ADORA3: variants seen among roughly 807,000 people sequenced by gnomAD.
ADORA3 encodes the protein adenosine A3 receptor.
ADORA3 carries 3 observed loss-of-function variants against 5.7 expected under a neutral mutation model. The ratio of observed to expected loss-of-function variants is 0.52; its 90% CI spans 0.24 to 1.35. The LOEUF (loss-of-function observed/expected upper bound fraction) is 1.35. ADORA3 is among the 40% of genes most tolerant of loss of function. The probability of loss-of-function intolerance (pLI) is 0.17; values close to 1 mark genes in which losing one functional copy is unlikely to be tolerated. For synonymous variants in ADORA3, 168 were observed against 152.3 expected (o/e 1.10, Z -0.76); for missense variants, 343 against 389.0 (o/e 0.88, Z 0.99).
In ADORA3 at chr1:111,499,935, A is replaced by T; in HGVS notation, c.*15T>A. 3.7e-6 allele frequency: 6 copies of T among 1,611,312 alleles called. No homozygotes were observed. Among genetic ancestry groups the T allele is most frequent in the Non-Finnish European group, 5.1e-6 (6 of 1,178,118 alleles). On this transcript the variant is annotated 3_prime_UTR_variant, in exon 2 of 2. Transcript: ENST00000241356. The stretch of plus-strand genomic sequence containing the variant: ...ATCTGAAGGTCAATGAGACAGAGTC[A>T]TCTCTGATGGATAACTACTCAGAAT...
rs921755092 is a variant in ADORA3 at position 111,500,613 on chromosome 1, A to T, written c.351-57T>A. The T allele has an allele frequency of 1.1e-5, 17 of 1,528,210 alleles. No homozygotes were observed. The Middle Eastern group carries it at 1.8e-3, about 166-fold the overall frequency. The allele number at this position is 1,528,210 out of a possible 1,614,324, so 94.7% of individuals were successfully genotyped here. A position where few individuals can be genotyped will look rare whatever the true frequency, so the allele number is the denominator to read the frequency against. ...AGCAGTAATTGCTAAAGGGTAGGGG[A>T]GATGGAGCTGGTAAAGGAGAGAGAG... On this transcript the variant is annotated intron_variant, in intron 1 of 1. Transcript: ENST00000241356.
chr1:111,501,443 T>C (rs901566603), intron 1 of ADORA3: 3 of 152,198 alleles, frequency 2.0e-5, no homozygotes, highest in African/African-American at 7.2e-5. Flanking sequence ...AAACAGGAGA[T>C]ATTTTATTAT....
At position 111,503,628 on chromosome 1, in the gene ADORA3, T is replaced by C. The variant is rs921529225; in HGVS notation, c.-274A>G. ...CAGAATGCTGTAGGACAGCTCTATA[T>C]GGACTGAATCTGAAAGTGCTGCTGC... On this transcript the variant is annotated 5_prime_UTR_variant, in exon 1 of 2. Coordinates refer to ENST00000241356, the MANE Select transcript of ADORA3 (RefSeq NM_000677.4). The C allele has an allele frequency of 2.5e-6, 3 of 1,217,050 alleles. No homozygotes were observed. Among genetic ancestry groups the C allele is most frequent in the Admixed American group, 3.8e-5 (1 of 26,642 alleles). The allele number at this position is 1,217,050 out of a possible 1,614,324, so 75.4% of individuals were successfully genotyped here.
At position 111,503,567 on chromosome 1, in the gene ADORA3, T is replaced by G; in HGVS notation, c.-213A>C. 7.2e-7 allele frequency: 1 copy of G among 1,389,738 alleles called. No individual in the cohort carries two copies. 86.1% of individuals were successfully genotyped at this position (1,389,738 alleles called of 1,614,324 possible). A position where few individuals can be genotyped will look rare whatever the true frequency, so the allele number is the denominator to read the frequency against. On this transcript the variant is annotated 5_prime_UTR_variant, in exon 1 of 2. Transcript: ENST00000241356. Reference sequence around the variant, plus strand: ...AAGGGCTCATCACAGGTGGGTCACTTCCAGCCCCTTTATGCACCGCACATC... The same window carrying G: ...AAGGGCTCATCACAGGTGGGTCACTGCCAGCCCCTTTATGCACCGCACATC...
chr1:111,503,514 T>C lies in ADORA3; in HGVS notation c.-160A>G. ...TCATTCCTACCCTTTTCTGGTGGGG[T>C]GATCTCTTGGAAACCCTTCTCCTTA... On this transcript the variant is annotated 5_prime_UTR_variant, in exon 1 of 2. Transcript: ENST00000241356. 1 of 1,433,804 alleles carries C rather than the reference T, an allele frequency of 7.0e-7. No individual in the cohort carries two copies. The highest frequency in any genetic ancestry group is 9.1e-7 in the Non-Finnish European group (1 of 1,095,832). 88.8% of individuals were successfully genotyped at this position (1,433,804 alleles called of 1,614,324 possible). A position where few individuals can be genotyped will look rare whatever the true frequency, so the allele number is the denominator to read the frequency against.
chr1:111,500,658 T>G, intron 1 of ADORA3, 102 bp from the exon 2 acceptor site: 2 of 1,119,806 alleles, frequency 1.8e-6, no homozygotes, highest in Non-Finnish European at 2.6e-6. Context: ...ATAAGGCATA[T>G]ACTCTCTTAA....
chr1:111,503,147 T>C lies in ADORA3; in HGVS notation c.208A>G (p.Ile70Val), dbSNP rs1655337842. The change falls in exon 1 of 2, where the codon ATT (isoleucine) becomes GTT (valine). Residue 70 changes from isoleucine (I) to valine (V), a missense_variant. Ile to Val is a conservative substitution (Grantham distance 29). Transcript: ENST00000241356. ...AVGVLVMPLA[I>V]VVSLGITIHF... Reference sequence around the variant, plus strand: ...ATTGTGATGCCCAGGCTGACAACAATGGCCAAAGGCATGACCAGCACCCCA... The same window carrying C: ...ATTGTGATGCCCAGGCTGACAACAACGGCCAAAGGCATGACCAGCACCCCA... 2 of 1,614,178 alleles carry C rather than the reference T, an allele frequency of 1.2e-6. No homozygotes were observed. The highest frequency in any genetic ancestry group is 1.7e-6 in the Non-Finnish European group (2 of 1,180,030).
At chr1:111,501,790 T>C (rs1195196831) in intron 1 of ADORA3, among the ~76,000 whole-genome samples, 1 of 151,912 alleles carries the variant, frequency 6.6e-6, no homozygotes, top group East Asian at 1.9e-4. Context: ...GAACCTAGAC[T>C]GTCTACATCT....
rs149363468 is a variant in ADORA3 at position 111,503,250 on chromosome 1, G to A, written c.105C>T (p.Cys35=). 1.9e-4 allele frequency: 308 copies of A among 1,614,210 alleles called. No individual in the cohort carries two copies. Among genetic ancestry groups the A allele is most frequent in the East Asian group, 1.8e-3 (80 of 44,892 alleles). Residue 35 remains cysteine (C), a synonymous_variant, in exon 1 of 2, where the codon TGC becomes TGT. Transcript: ENST00000241356. ...CAIVGNVLVI[C]VVKLNPSLQT... is the part of the protein sequence containing the mutation. ...GCAGGCTGGGGTTCAGCTTGACCAC[G>A]CAGATGACCAGCACGTTGCCCACTA... is the stretch of plus-strand genomic sequence containing the variant.
Position 111,500,119 on chromosome 1 carries a change from A to C in ADORA3, c.788T>G (p.Val263Gly). The change falls in exon 2 of 2, where the codon GTG becomes GGG. Residue 263 changes from valine (V) to glycine (G), a missense_variant. By Grantham distance (109) the Val-to-Gly change is moderately radical (BLOSUM62 -3). Coordinates refer to ENST00000241356, the MANE Select transcript of ADORA3 (RefSeq NM_000677.4). ...IYFNGEVPQL[V>G]LYMGILLSHA... ...GGACAGCAGGATGCCCATGTACAGC[A>C]CAAGCTGTGGTACCTCACCATTAAA... is the stretch of plus-strand genomic sequence containing the variant. 6.2e-7 allele frequency: 1 copy of C among 1,614,112 alleles called. No individual in the cohort carries two copies. The highest frequency in any genetic ancestry group is 8.5e-7 in the Non-Finnish European group (1 of 1,179,930).
Position 111,503,579 on chromosome 1 carries a change from A to G in ADORA3, c.-225T>C. ...CAGGTGGGTCACTTCCAGCCCCTTT[A>G]TGCACCGCACATCCTCAAGTTTCCA... On this transcript the variant is annotated 5_prime_UTR_variant, in exon 1 of 2. An upstream open reading frame in the 5' UTR loses its in-frame stop. Transcript: ENST00000241356. 7.3e-7 allele frequency: 1 copy of G among 1,367,774 alleles called. No individual in the cohort carries two copies. Among genetic ancestry groups the G allele is most frequent in the Non-Finnish European group, 9.5e-7 (1 of 1,057,808 alleles). The allele number at this position is 1,367,774 out of a possible 1,614,324, so 84.7% of individuals were successfully genotyped here.
chr1:111,502,184 GAT>G (rs1163111030), intron 1 of ADORA3, among the ~76,000 whole-genome samples: 19 of 45,990 alleles, frequency 4.1e-4, no homozygotes, highest in Non-Finnish European at 7.0e-4. Context: ...AAATATATAG[GAT>G]ATATATATTA....
rs1655369063 is a variant in ADORA3, at chr1:111,503,627, AT to A, written c.-274del. ...CCAGAATGCTGTAGGACAGCTCTAT[AT>A]GGACTGAATCTGAAAGTGCTGCTGC... On this transcript the variant is annotated 5_prime_UTR_variant, in exon 1 of 2. Transcript: ENST00000241356. The A allele has an allele frequency of 2.5e-6, 3 of 1,216,092 alleles. No homozygotes were observed. Among genetic ancestry groups the A allele is most frequent in the Non-Finnish European group, 2.1e-6 (2 of 967,852 alleles). The allele number at this position is 1,216,092 out of a possible 1,614,324, so 75.3% of individuals were successfully genotyped here.
intron 1 of ADORA3, 22 bp from the exon 2 acceptor site, chr1:111,500,578 G>A (rs748713343): frequency 3.9e-5 from 63 of 1,610,018 alleles, no homozygotes; most frequent in South Asian, 3.1e-4. Context: ...AAGAGAGTCA[G>A]TGAGTCCACA....
At chr1:111,500,590 C>T in intron 1 of ADORA3, 34 bp from the exon 2 acceptor site, 1 of 1,600,042 alleles carries the variant, frequency 6.2e-7, no homozygotes, top group Non-Finnish European at 8.5e-7. Context: ...GAGTCCACAG[C>T]AGTAATTGCT....
rs1227732391 is a variant in ADORA3, at chr1:111,502,145, A to G, written c.350+860T>C. Reference sequence around the variant, plus strand: ...ATATAGGATATATATTTAATATAATAAATATATAGGATATATATTTATTAT... The same window carrying G: ...ATATAGGATATATATTTAATATAATGAATATATAGGATATATATTTATTAT... On this transcript the variant is annotated intron_variant, in intron 1 of 1. Transcript: ENST00000241356. Among the ~76,000 whole-genome samples, 188 of 34,408 alleles carry G rather than the reference A, an allele frequency of 5.5e-3. 2 individuals carry two copies. The highest frequency in any genetic ancestry group is 7.0e-3 in the Non-Finnish European group (89 of 12,652). The allele number at this position is 34,408 out of a possible 152,430, so 22.6% of individuals were successfully genotyped here.
Position 111,499,570 on chromosome 1 carries a change from T to C in ADORA3, c.*380A>G, listed in dbSNP as rs377397608. 2.9e-6 allele frequency: 3 copies of C among 1,022,574 alleles called. No individual in the cohort carries two copies. Among genetic ancestry groups the C allele is most frequent in the Non-Finnish European group, 3.5e-6 (3 of 851,244 alleles). The allele number at this position is 1,022,574 out of a possible 1,614,324, so 63.3% of individuals were successfully genotyped here. On this transcript the variant is annotated 3_prime_UTR_variant, in exon 2 of 2. Coordinates refer to ENST00000241356, the MANE Select transcript of ADORA3 (RefSeq NM_000677.4). ...GCAGGTTCTCTGCTCAATTCCACAA[T>C]GGTATGGAAATGAGTCACCACCACA...
chr1:111,502,886 C>T, intron 1 of ADORA3, 119 bp downstream of exon 1: 1 of 1,272,836 alleles, frequency 7.9e-7, no homozygotes, highest in South Asian at 1.5e-5. Context: ...CACTTATTGC[C>T]CTCTTTCAAC....
chr1:111,502,645 A>G (rs1286980303), intron 1 of ADORA3, among the ~76,000 whole-genome samples: 1 of 150,854 alleles, frequency 6.6e-6, no homozygotes, highest in Non-Finnish European at 1.5e-5. Context: ...TCCTAAAATA[A>G]TAAGTCTTAT....
Sources: allele counts gnomAD v4.1 joint callset (sites outside exome capture counted in the v4.1 genomes callset), GRCh38; gene constraint gnomAD v4.1.1; transcripts MANE v1.5; gene names NCBI Gene and HGNC (gene_info 2026-07-23, HGNC 2026-07-21).